BICD1: variants seen among roughly 807,000 people sequenced by gnomAD.
BICD1 encodes the protein BICD cargo adaptor 1.
BICD1 carries 35 observed loss-of-function variants against 92.5 expected under a neutral mutation model. The ratio of observed to expected loss-of-function variants is 0.38; its 90% CI spans 0.29 to 0.50. BICD1 has a LOEUF of 0.50. Among genes scored for constraint, BICD1 ranks in the 20% least tolerant of loss-of-function variants. BICD1 has a pLI of 0.93. For synonymous variants in BICD1, 429 were observed against 465.1 expected (o/e 0.92, Z 1.00); for missense variants, 950 against 1,189.8 (o/e 0.80, Z 2.97).
At chr12:32,353,399 G>T (rs916556735) in intron 8 of BICD1, 11 of 151,718 alleles carry the variant, frequency 7.3e-5, no homozygotes, top group African/African-American at 2.7e-4. Flanking sequence ...TAACTGAATT[G>T]TTTCTCCCAC....
At chr12:32,114,106 C>T (rs1466350505) in intron 1 of BICD1, among the ~76,000 whole-genome samples, 8 of 152,034 alleles carry the variant, frequency 5.3e-5, no homozygotes, top group South Asian at 2.1e-4. Context: ...CTTCTGACCT[C>T]GTGATCCACC....
Position 32,107,370 on chromosome 12 carries a change from T to G in BICD1, c.39T>G (p.Tyr13Ter), listed in dbSNP as rs1430864003. Residue 13 changes from tyrosine (Y) to a stop codon, truncating the protein, a stop_gained, in exon 1 of 10, where the codon TAT (tyrosine) becomes TAG (stop). Coordinates refer to ENST00000652176, the MANE Select transcript of BICD1 (RefSeq NM_001714.4). LOFTEE classifies it high-confidence loss of function. Reference sequence around the variant, plus strand: ...AGGTATTGCAGACGGTGGACCATTATAAGACTGAGATAGAGAGGCTAACCA... The same window carrying G: ...AGGTATTGCAGACGGTGGACCATTAGAAGACTGAGATAGAGAGGCTAACCA... Reference protein sequence around the residue: ...AEEVLQTVDHYKTEIERLTKE... With the variant: ...AEEVLQTVDH 6.2e-7 allele frequency: 1 copy of G among 1,610,400 alleles called. No individual in the cohort carries two copies. The highest frequency in any genetic ancestry group is 1.7e-5 in the Admixed American group (1 of 59,390).
chr12:32,185,633 G>A (rs537005604), intron 1 of BICD1, among the ~76,000 whole-genome samples: 39 of 152,282 alleles, frequency 2.6e-4, no homozygotes, highest in South Asian at 1.9e-3. Context: ...CAAGTCAGAC[G>A]GCTGCTCTGG....
intron 1 of BICD1, among the ~76,000 whole-genome samples, chr12:32,157,337 C>T (rs1943469361): frequency 6.6e-6 from 1 of 152,098 alleles, no homozygotes; most frequent in South Asian, 2.1e-4. Context: ...ATGAAGAATC[C>T]AGTCCCATTT....
At chr12:32,233,890 A>G (rs1233938266) in intron 2 of BICD1, among the ~76,000 whole-genome samples, 1 of 152,166 alleles carries the variant, frequency 6.6e-6, no homozygotes, top group Admixed American at 6.5e-5. Flanking sequence ...CAGGCATTTA[A>G]TTCTCCTAAG....
chr12:32,258,961 G>A (rs1383913690), intron 2 of BICD1, among the ~76,000 whole-genome samples: 1 of 152,140 alleles, frequency 6.6e-6, no homozygotes, highest in Non-Finnish European at 1.5e-5. Context: ...AGAAGCTGGT[G>A]GAGCAGAGTG....
intron 8 of BICD1, among the ~76,000 whole-genome samples, chr12:32,356,455 C>G (rs1349482273): frequency 6.6e-6 from 1 of 152,006 alleles, no homozygotes; most frequent in Admixed American, 6.6e-5. Context: ...AGTTCAAGAG[C>G]AGCCTTGGCA....
At chr12:32,108,656 G>T in intron 1 of BICD1, 1 of 698,474 alleles carries the variant, frequency 1.4e-6, no homozygotes, top group Non-Finnish European at 2.6e-6. Flanking sequence ...TAAAAGATGT[G>T]ATTTATGACA....
At chr12:32,249,691 T>C (rs1205026468) in intron 2 of BICD1, among the ~76,000 whole-genome samples, 9 of 148,126 alleles carry the variant, frequency 6.1e-5, no homozygotes, top group East Asian at 2.0e-4. Context: ...CTCTCTCTCT[T>C]TTTTTTTTTT....
chr12:32,367,833 G>C, intron 9 of BICD1, 88 bp downstream of exon 9: 1 of 1,181,030 alleles, frequency 8.5e-7, no homozygotes, highest in East Asian at 2.4e-5. Context: ...AACTGCCTAC[G>C]CATCATTGTA....
rs533721212 is a variant in BICD1, at chr12:32,220,453, C to T, written c.426+3994C>T. The stretch of plus-strand genomic sequence containing the variant: ...GCGAAGGACATGAACAGACACTTCT[C>T]AGAAGAAGACATTTATGCAGCCAAA... On this transcript the variant is annotated intron_variant, in intron 2 of 9. Transcript: ENST00000652176. 2.1e-3 allele frequency among the ~76,000 whole-genome samples: 317 copies of T among 152,306 alleles called. 2 individuals carry two copies. The highest frequency in any genetic ancestry group is 6.2e-3 in the South Asian group (30 of 4,828).
rs150859171 is a variant in BICD1 at position 32,137,340 on chromosome 12, C to G, written c.213+29796C>G. ...CTGGCCTCAAGTGATCAGCCTGCCT[C>G]GGCCTTTCAAAGTGCTGGGATTACA... On this transcript the variant is annotated intron_variant, in intron 1 of 9. Coordinates refer to ENST00000652176, the MANE Select transcript of BICD1 (RefSeq NM_001714.4). Among the ~76,000 whole-genome samples, 6 of 152,258 alleles carry G rather than the reference C, an allele frequency of 3.9e-5. No individual in the cohort carries two copies. In the East Asian group the frequency reaches 7.7e-4, roughly 20 times the overall value.
At position 32,351,428 on chromosome 12, in the gene BICD1, A is replaced by G. The variant is rs1476620412; in HGVS notation, c.2764+12449A>G. Reference sequence around the variant, plus strand: ...CTTGAACCTGGGAGGTGGAGGCTGCAGTGAGCCAAGATGGTACCCACTGCA... The same window carrying G: ...CTTGAACCTGGGAGGTGGAGGCTGCGGTGAGCCAAGATGGTACCCACTGCA... On this transcript the variant is annotated intron_variant, in intron 8 of 9. Transcript: ENST00000652176. Among the ~76,000 whole-genome samples the G allele has an allele frequency of 4.3e-5, 6 of 138,194 alleles. No individual in the cohort carries two copies. In the South Asian group the frequency reaches 7.5e-4, roughly 17 times the overall value. The allele number at this position is 138,194 out of a possible 152,430, so 90.7% of individuals were successfully genotyped here.
In BICD1 at chr12:32,383,240, C is replaced by T. The variant is rs1001681529; in HGVS notation, c.*5613C>T. On this transcript the variant is annotated 3_prime_UTR_variant, in exon 10 of 10. Coordinates refer to ENST00000652176, the MANE Select transcript of BICD1 (RefSeq NM_001714.4). ...GTTAAATGATGTGAAGTGTTTCCACCTACTGATAAATACCATATGAAAACA... is the reference window on the plus strand; with the variant it reads ...GTTAAATGATGTGAAGTGTTTCCACTTACTGATAAATACCATATGAAAACA... 1 of 151,926 alleles carries T rather than the reference C, an allele frequency of 6.6e-6. No individual in the cohort carries two copies. The highest frequency in any genetic ancestry group is 2.4e-5 in the African/African-American group (1 of 41,376). The allele number at this position is 151,926 out of a possible 1,614,324, so 9.4% of individuals were successfully genotyped here.
At chr12:32,339,520 C>T (rs1938276562) in intron 8 of BICD1, 1 of 985,176 alleles carries the variant, frequency 1.0e-6, no homozygotes, top group Non-Finnish European at 1.2e-6. Flanking sequence ...AGATTGCAGG[C>T]CCCCCACTGG....
intron 1 of BICD1, among the ~76,000 whole-genome samples, chr12:32,182,909 T>A (rs75011909): frequency 0.077 from 9,925 of 129,126 alleles, 675 homozygotes; most frequent in East Asian, 0.17. Flanking sequence ...TTTTTTTTTT[T>A]AAAGAGATAG....
intron 2 of BICD1, among the ~76,000 whole-genome samples, chr12:32,246,567 G>T (rs537978834): frequency 6.6e-6 from 1 of 152,208 alleles, no homozygotes; most frequent in East Asian, 1.9e-4. Context: ...GAGCCTGGGG[G>T]GTTGAGGCTG....
rs1416543587 is a variant in BICD1 at position 32,305,817 on chromosome 12, G to T, written c.700G>T (p.Ala234Ser). Residue 234 changes from alanine to serine, a missense_variant, in exon 4 of 10, where the codon GCC becomes TCC. Transcript: ENST00000652176. ...GATTGCTGAGCACCAACTGGAAGAA[G>T]CCCTCGAGACTTTAAAAAATGAAAG... Reference protein sequence around the residue: ...KEIAEHQLEEALETLKNEREQ... With the variant: ...KEIAEHQLEESLETLKNEREQ... 2 of 1,614,174 alleles carry T rather than the reference G, an allele frequency of 1.2e-6. No individual in the cohort carries two copies. The highest frequency in any genetic ancestry group is 2.2e-5 in the South Asian group (2 of 91,084).
chr12:32,376,208 C>G (rs1044165132), intron 9 of BICD1, among the ~76,000 whole-genome samples: 2 of 151,630 alleles, frequency 1.3e-5, no homozygotes, highest in East Asian at 2.0e-4. Flanking sequence ...CTCAGCCTCC[C>G]GAATAGCTGG....
Sources: gnomAD v4.1 joint callset for allele counts (sites outside exome capture counted in the v4.1 genomes callset) on GRCh38, gnomAD v4.1.1 for gene constraint, MANE v1.5 for transcripts, NCBI Gene and HGNC (gene_info 2026-07-23, HGNC 2026-07-21) for gene names.